Variants in SOX6 observed in about 807,000 individuals in gnomAD.
The protein encoded by SOX6 is SRY-box transcription factor 6.
SOX6 carries 11 observed loss-of-function variants against 97.8 expected under a neutral mutation model. That is an observed-to-expected ratio of 0.11 (90% CI 0.07 to 0.19). SOX6 has a LOEUF of 0.19. SOX6 is among the 10% of genes least tolerant of loss of function. The pLI is 1.00. For missense variants in SOX6, 810 were observed against 1,039.5 expected, an observed-to-expected ratio of 0.78 and a Z score of 3.04; for synonymous variants, 360 against 371.4, an observed-to-expected ratio of 0.97 and a Z score of 0.35.
chr11:16,240,316 G>GTGTGTGTGTGTGT (rs1853150555), intron 3 of SOX6, among the ~76,000 whole-genome samples: 5 of 147,184 alleles, frequency 3.4e-5, no homozygotes, highest in African/African-American at 1.2e-4. Context: ...GTGTGTGTGT[G>GTGTGTGTGTGTGT]GCAGTGGAAG....
At chr11:16,047,699 AGC>A (rs1166468575) in intron 11 of SOX6, among the ~76,000 whole-genome samples, 1 of 116,368 alleles carries the variant, frequency 8.6e-6, no homozygotes, top group Non-Finnish European at 1.8e-5. Flanking sequence ...ATCATTTCAT[AGC>A]GTGTGTGTGT....
intron 1 of SOX6, among the ~76,000 whole-genome samples, chr11:16,421,713 T>C (rs528351908): frequency 2.6e-5 from 4 of 152,306 alleles, no homozygotes; most frequent in Non-Finnish European, 4.4e-5. Context: ...TTTTCAGAGA[T>C]TGAGTTTAAA....
intron 3 of SOX6, among the ~76,000 whole-genome samples, chr11:16,647,897 T>A (rs1469543577): frequency 6.6e-6 from 1 of 152,076 alleles, no homozygotes; most frequent in African/African-American, 2.4e-5. Context: ...CCTGACTATA[T>A]CTTACAGGGA....
chr11:16,015,006 C>G lies in SOX6; in HGVS notation c.1668G>C (p.Lys556Asn), dbSNP rs1854840429. The change falls in exon 13 of 16, where the codon AAG becomes AAC. Residue 556 changes from lysine (K) to asparagine (N), a missense_variant. Physicochemically the swap from Lys to Asn is moderately conservative, Grantham distance 94. Transcript: ENST00000683767. ...GGCCCAGTTTTCCATCTTCATTTGA[C>G]TTTCCCGTTAACTGGGGCCCCAAAT... ...FENLGPQLTG[K>N]SNEDGKLGPG... 6.2e-7 allele frequency: 1 copy of G among 1,612,968 alleles called. No homozygotes were observed. Among genetic ancestry groups the G allele is most frequent in the Non-Finnish European group, 8.5e-7 (1 of 1,179,330 alleles).
At chr11:16,376,901 G>A (rs531527615) in intron 1 of SOX6, among the ~76,000 whole-genome samples, 1 of 151,992 alleles carries the variant, frequency 6.6e-6, no homozygotes, top group South Asian at 2.1e-4. Flanking sequence ...GAGAATTGGG[G>A]TGACAGGGAA....
intron 1 of SOX6, among the ~76,000 whole-genome samples, chr11:16,352,479 C>T (rs1438673548): frequency 6.6e-6 from 1 of 151,932 alleles, no homozygotes; most frequent in Non-Finnish European, 1.5e-5. Flanking sequence ...ATAAGAAAGC[C>T]AAGGCACAAA....
chr11:16,553,189 C>T (rs1847709309), intron 4 of SOX6, among the ~76,000 whole-genome samples: 1 of 152,052 alleles, frequency 6.6e-6, no homozygotes. Context: ...TTGGCTTTGG[C>T]TAGGAAAGAA....
At chr11:16,192,597 A>T (rs2134115126) in intron 4 of SOX6, among the ~76,000 whole-genome samples, 1 of 152,294 alleles carries the variant, frequency 6.6e-6, no homozygotes, top group South Asian at 2.1e-4. Flanking sequence ...TTGAAAAAAA[A>T]TAACTGAAAT....
At chr11:16,478,023 T>C (rs1272779942), upstream of SOX6, among the ~76,000 whole-genome samples, 1 of 152,240 alleles carries the variant, frequency 6.6e-6, no homozygotes, top group East Asian at 1.9e-4. Flanking sequence ...ACACACTGTG[T>C]GTATTATCCA....
intron 6 of SOX6, 38 bp downstream of exon 6, chr11:16,183,848 C>G: frequency 6.3e-7 from 1 of 1,586,616 alleles, no homozygotes; most frequent in Non-Finnish European, 8.7e-7. Flanking sequence ...AGGAAAGTAT[C>G]TAAGTATAAT....
intron 1 of SOX6, among the ~76,000 whole-genome samples, chr11:16,347,486 C>T (rs1034847445): frequency 1.3e-5 from 2 of 152,020 alleles, no homozygotes; most frequent in South Asian, 2.1e-4. Context: ...TATAGCTCAA[C>T]GAAAGACCTC....
chr11:16,567,654 C>T (rs955545515), intron 4 of SOX6, among the ~76,000 whole-genome samples: 11 of 149,522 alleles, frequency 7.4e-5, no homozygotes, highest in African/African-American at 2.7e-4. Context: ...GCAACCTCCG[C>T]CTTCTGGGTT....
intron 1 of SOX6, among the ~76,000 whole-genome samples, chr11:16,437,748 A>ATT (rs202189306): frequency 0.091 from 13,902 of 152,240 alleles, 684 homozygotes; most frequent in Non-Finnish European, 0.11. Flanking sequence ...ACTACATAAT[A>ATT]TGGGGAAAAT....
intron 1 of SOX6, among the ~76,000 whole-genome samples, chr11:16,353,694 T>C (rs1249720715): frequency 6.6e-6 from 1 of 152,020 alleles, no homozygotes; most frequent in Non-Finnish European, 1.5e-5. Context: ...TTGCACAGAA[T>C]TGTTTGAGTT....
chr11:16,627,065 C>T (rs189329612), intron 3 of SOX6, among the ~76,000 whole-genome samples: 1 of 152,284 alleles, frequency 6.6e-6, no homozygotes, highest in Non-Finnish European at 1.5e-5. Context: ...TTAGTGAGAA[C>T]AGGTGGTATT....
At chr11:16,218,242 A>G (rs1375964063) in intron 4 of SOX6, among the ~76,000 whole-genome samples, 1 of 152,130 alleles carries the variant, frequency 6.6e-6, no homozygotes, top group Non-Finnish European at 1.5e-5. Context: ...TTAATGTGAA[A>G]CATACTACCA....
At chr11:16,202,152 T>C (rs1011286796) in intron 4 of SOX6, among the ~76,000 whole-genome samples, 3 of 152,162 alleles carry the variant, frequency 2.0e-5, no homozygotes, top group Non-Finnish European at 4.4e-5. Flanking sequence ...TTTACAGCAC[T>C]ATTATGAATT....
intron 4 of SOX6, among the ~76,000 whole-genome samples, chr11:16,540,819 A>G (rs1308677204): frequency 6.6e-6 from 1 of 152,234 alleles, no homozygotes. Context: ...ATGAAATAAA[A>G]GAGGATACAA....
chr11:16,269,467 A>T (rs1229769654), intron 3 of SOX6, among the ~76,000 whole-genome samples: 1 of 150,788 alleles, frequency 6.6e-6, no homozygotes, highest in Non-Finnish European at 1.5e-5. Flanking sequence ...AACTTCGGGG[A>T]ATGTGTTACA....
Sources: allele counts gnomAD v4.1 joint callset (sites outside exome capture counted in the v4.1 genomes callset), GRCh38; gene constraint gnomAD v4.1.1; transcripts MANE v1.5; gene names NCBI Gene and HGNC (gene_info 2026-07-23, HGNC 2026-07-21).